Variants in CLPTM1L observed in about 807,000 individuals in gnomAD.
CLPTM1L encodes the protein CLPTM1 like, also known as lipid scramblase CLPTM1L.
CLPTM1L carries 38 observed loss-of-function variants against 70.9 expected under a neutral mutation model. The observed-to-expected ratio is 0.54, with a 90% CI of 0.41 to 0.70. CLPTM1L has a LOEUF of 0.70. Among genes scored for constraint, CLPTM1L ranks in the 30% least tolerant of loss-of-function variants. The probability of loss-of-function intolerance (pLI) is 0.00; values close to 1 mark genes in which losing one functional copy is unlikely to be tolerated. For synonymous variants in CLPTM1L, 339 were observed against 299.9 expected (o/e 1.13, Z -1.35); for missense variants, 652 against 705.9 (o/e 0.92, Z 0.87).
chr5:1,334,754 A>AAAACAAAC (rs3030834), intron 6 of CLPTM1L, among the ~76,000 whole-genome samples: 4,594 of 151,216 alleles, frequency 0.03, 71 homozygotes, highest in Non-Finnish European at 0.035. Context: ...ACTCTGTCTC[A>AAAACAAAC]AAACAAACAA....
chr5:1,321,239 C>T (rs1752133808), intron 15 of CLPTM1L, among the ~76,000 whole-genome samples: 1 of 152,284 alleles, frequency 6.6e-6, no homozygotes, highest in Non-Finnish European at 1.5e-5. Context: ...GCCAAGGGGG[C>T]CTCCACAGCT....
chr5:1,344,872 C>T lies in CLPTM1L; in HGVS notation c.-31G>A. 1 of 1,351,712 alleles carries T rather than the reference C, an allele frequency of 7.4e-7. No homozygotes were observed. Among genetic ancestry groups the T allele is most frequent in the Non-Finnish European group, 9.6e-7 (1 of 1,041,006 alleles). 83.7% of individuals were successfully genotyped at this position (1,351,712 alleles called of 1,614,324 possible). On this transcript the variant is annotated 5_prime_UTR_variant, in exon 1 of 17. Transcript: ENST00000320895. ...CCCCGCGCCCGGCGCCCCCGGCCCG[C>T]CCGCCTCTCAGCCGCGAGCCCCGCC...
chr5:1,330,268 C>G lies in CLPTM1L; in HGVS notation c.1080+12G>C. On this transcript the variant is annotated intron_variant, in intron 9 of 16. Transcript: ENST00000320895. ...GGACCTCAGACAGTTCAGGTCACTG[C>G]CCGGAACTCACCTCAATGGCGGCTC... The G allele has an allele frequency of 6.2e-7, 1 of 1,606,122 alleles. No individual in the cohort carries two copies.
Position 1,318,390 on chromosome 5 carries a change from C to G in CLPTM1L, c.1596G>C (p.Thr532=). The change falls in exon 17 of 17, where the codon ACG becomes ACC. Residue 532 remains threonine, a synonymous_variant. Coordinates refer to ENST00000320895, the MANE Select transcript of CLPTM1L (RefSeq NM_030782.5). The surrounding 1 kb of genome is among the most constrained non-coding windows in gnomAD (Gnocchi z 8.9). ...EFGESYEEKA[T]RAPHTD ...GCCTTCAGTCCGTGTGGGGCGCCCG[C>G]GTGGCCTTCTCCTCGTAGGACTCCC... 1 of 1,613,760 alleles carries G rather than the reference C, an allele frequency of 6.2e-7. No homozygotes were observed. Among genetic ancestry groups the G allele is most frequent in the Non-Finnish European group, 8.5e-7 (1 of 1,179,974 alleles).
At chr5:1,334,200 C>G (rs774202776) in intron 7 of CLPTM1L, 89 bp downstream of exon 7, 62 of 923,718 alleles carry the variant, frequency 6.7e-5, no homozygotes, top group Non-Finnish European at 8.2e-5. Flanking sequence ...ACGGCGCCCA[C>G]AAACCCCAGG....
In CLPTM1L at chr5:1,323,051, C is replaced by A. The variant is rs992315573; in HGVS notation, c.1281-140G>T. The A allele has an allele frequency of 3.6e-6, 3 of 824,930 alleles. No homozygotes were observed. In the African/African-American group the frequency reaches 5.1e-5, roughly 14 times the overall value. 51.1% of individuals were successfully genotyped at this position (824,930 alleles called of 1,614,324 possible). A position where few individuals can be genotyped will look rare whatever the true frequency, so the allele number is the denominator to read the frequency against. On this transcript the variant is annotated intron_variant, in intron 12 of 16. Coordinates refer to ENST00000320895, the MANE Select transcript of CLPTM1L (RefSeq NM_030782.5). ...ACGGCAGCTCGGCAGCCAAGAGCAG[C>A]AGTGCTGAGCCTGGTTCTCAAGCTG...
At chr5:1,337,289 T>C (rs1753633369) in intron 5 of CLPTM1L, among the ~76,000 whole-genome samples, 1 of 152,234 alleles carries the variant, frequency 6.6e-6, no homozygotes, top group African/African-American at 2.4e-5. Flanking sequence ...TCTGTGAGTC[T>C]CAATACTGGC....
At position 1,334,290 on chromosome 5, in the gene CLPTM1L, T is replaced by C; in HGVS notation, c.890A>G (p.His297Arg). 2.5e-6 allele frequency: 4 copies of C among 1,613,122 alleles called. No individual in the cohort carries two copies. Among genetic ancestry groups the C allele is most frequent in the South Asian group, 1.1e-5 (1 of 91,040 alleles). ...LALTFFVAAF[H>R]LLFDFLAFKN... is the part of the protein sequence containing the mutation. ...CAAGCCCCCCGGTGGATGACTCACA[T>C]GGAACGCTGCGACAAAGAAGGTCAG... The change falls in exon 7 of 17, where the codon CAT (histidine) becomes CGT (arginine). Residue 297 changes from histidine to arginine, a missense_variant and splice_region_variant. Around this residue, in one of 3 missense-constraint regions of CLPTM1L, gnomAD observed 402 missense variants for 388.2 expected, o/e 1.04. Transcript: ENST00000320895.
At position 1,342,260 on chromosome 5, in the gene CLPTM1L, G is replaced by A. The variant is rs910799851; in HGVS notation, c.264-400C>T. On this transcript the variant is annotated intron_variant, in intron 2 of 16. Coordinates refer to ENST00000320895, the MANE Select transcript of CLPTM1L (RefSeq NM_030782.5). The surrounding 1 kb of genome is among the most constrained non-coding windows in gnomAD (Gnocchi z 4.3). ...TGAATCACCCAACTCCGAAGCGACA[G>A]AAGGGAAGGGCAGCAGCCACGAGGG... is the stretch of plus-strand genomic sequence containing the variant. Among the ~76,000 whole-genome samples, 2 of 152,234 alleles carry A rather than the reference G, an allele frequency of 1.3e-5. No homozygotes were observed. Among genetic ancestry groups the A allele is most frequent in the African/African-American group, 4.8e-5 (2 of 41,454 alleles).
Position 1,331,883 on chromosome 5 carries a change from G to A in CLPTM1L, c.892C>T (p.Leu298Phe). 1 of 1,612,912 alleles carries A rather than the reference G, an allele frequency of 6.2e-7. No homozygotes were observed. Among genetic ancestry groups the A allele is most frequent in the Non-Finnish European group, 8.5e-7 (1 of 1,179,560 alleles). The change falls in exon 8 of 17, where the codon CTT (leucine) becomes TTT (phenylalanine). Residue 298 changes from leucine to phenylalanine, a missense_variant and splice_region_variant. Transcript: ENST00000320895. ...TTAAAGGCCAGGAAATCAAAGAGAAGCTAGAGAGAACACACACGACAGCAA... is the reference window on the plus strand; with the variant it reads ...TTAAAGGCCAGGAAATCAAAGAGAAACTAGAGAGAACACACACGACAGCAA... ...ALTFFVAAFH[L>F]LFDFLAFKND...
intron 9 of CLPTM1L, among the ~76,000 whole-genome samples, chr5:1,327,017 C>G (rs1752631841): frequency 1.3e-5 from 2 of 150,412 alleles, no homozygotes; most frequent in African/African-American, 4.9e-5. Flanking sequence ...TCCTCCTCTA[C>G]AGGGACATTC....
intron 2 of CLPTM1L, among the ~76,000 whole-genome samples, chr5:1,343,210 C>T (rs1467531385): frequency 3.3e-5 from 5 of 151,912 alleles, no homozygotes; most frequent in South Asian, 4.2e-4. Flanking sequence ...AAAAATCTTA[C>T]GGCCAAAGTT....
chr5:1,339,140 C>T (rs982437804), intron 3 of CLPTM1L, 135 bp from the exon 4 acceptor site: 21 of 1,053,262 alleles, frequency 2.0e-5, no homozygotes, highest in Non-Finnish European at 2.7e-5. Context: ...GGGTCAGCCC[C>T]CTAACCTGTG....
intron 12 of CLPTM1L, among the ~76,000 whole-genome samples, chr5:1,323,418 C>T (rs532709157): frequency 1.7e-4 from 25 of 150,820 alleles, no homozygotes; most frequent in African/African-American, 5.8e-4. Flanking sequence ...GCTCCAGGAC[C>T]CCTCTCGGCT....
chr5:1,340,366 C>T (rs938186539), intron 3 of CLPTM1L, among the ~76,000 whole-genome samples: 8 of 152,198 alleles, frequency 5.3e-5, no homozygotes, highest in African/African-American at 1.9e-4. Flanking sequence ...TGAAGTTAAA[C>T]AGGACATGGA....
chr5:1,319,171 G>T (rs1752002347), intron 16 of CLPTM1L, among the ~76,000 whole-genome samples: 1 of 152,196 alleles, frequency 6.6e-6, no homozygotes. Context: ...CAGCGTCCGG[G>T]GCTCCGTGGC....
intron 16 of CLPTM1L, among the ~76,000 whole-genome samples, chr5:1,319,068 G>A (rs1014045885): frequency 6.6e-5 from 10 of 152,332 alleles, no homozygotes; most frequent in African/African-American, 2.4e-4. Context: ...CAGAGCCTGA[G>A]TACAGCACAG....
rs1561224307 is a variant in CLPTM1L at position 1,318,135 on chromosome 5, A to G, written c.*234T>C. On this transcript the variant is annotated 3_prime_UTR_variant, in exon 17 of 17. Coordinates refer to ENST00000320895, the MANE Select transcript of CLPTM1L (RefSeq NM_030782.5). The surrounding 1 kb of genome is among the most constrained non-coding windows in gnomAD (Gnocchi z 8.9). Reference sequence around the variant, plus strand: ...CGTGTGCCGGGAGCCACCACAGCTCAAGGTGACCGGCAGCACCCAGCTCTG... The same window carrying G: ...CGTGTGCCGGGAGCCACCACAGCTCGAGGTGACCGGCAGCACCCAGCTCTG... 2 of 538,676 alleles carry G rather than the reference A, an allele frequency of 3.7e-6. No homozygotes were observed. Among genetic ancestry groups the G allele is most frequent in the Non-Finnish European group, 3.3e-6 (1 of 305,888 alleles). The allele number at this position is 538,676 out of a possible 1,614,324, so 33.4% of individuals were successfully genotyped here. A position where few individuals can be genotyped will look rare whatever the true frequency, so the allele number is the denominator to read the frequency against.
chr5:1,330,136 C>G (rs1354684588), intron 9 of CLPTM1L, 144 bp downstream of exon 9: 1 of 695,486 alleles, frequency 1.4e-6, no homozygotes, highest in East Asian at 2.6e-5. Context: ...TGCCTGCCAT[C>G]CTACAGCTTC....
Sources: gnomAD v4.1 joint callset for allele counts (sites outside exome capture counted in the v4.1 genomes callset) on GRCh38, gnomAD v4.1.1 for gene constraint, gnomAD v4.1.1 regional missense constraint, Gnocchi (gnomAD v3.1) non-coding constraint, MANE v1.5 for transcripts, NCBI Gene and HGNC (gene_info 2026-07-23, HGNC 2026-07-21) for gene names.